The following NELL1 variants were observed in gnomAD, a reference collection of about 807,000 sequenced individuals.
NELL1 encodes the protein neural EGFL like 1.
Under a neutral mutation model 107.4 loss-of-function variants are expected in NELL1, and 76 were observed. That is an observed-to-expected ratio of 0.71 (90% confidence interval 0.59 to 0.86). The LOEUF (loss-of-function observed/expected upper bound fraction) is 0.86. Ranked by LOEUF, NELL1 falls within the 40% of genes least tolerant of loss-of-function variation. The pLI is 0.00. For missense variants in NELL1, 1,024 were observed against 1,005.5 expected (o/e 1.02, Z -0.25); for synonymous variants, 353 against 341.2 (o/e 1.03, Z -0.38).
intron 12 of NELL1, among the ~76,000 whole-genome samples, chr11:20,971,394 G>A (rs1398571995): frequency 6.6e-6 from 1 of 152,126 alleles, no homozygotes; most frequent in Non-Finnish European, 1.5e-5. Context: ...GCTTTTCAGG[G>A]ACAAGTCCAA....
At chr11:20,936,717 T>G (rs568863350) in intron 9 of NELL1, among the ~76,000 whole-genome samples, 30 of 152,214 alleles carry the variant, frequency 2.0e-4, no homozygotes, top group Non-Finnish European at 3.7e-4. Flanking sequence ...ATATTACCAG[T>G]TAGCATGTTG....
chr11:20,782,724 A>T (rs1438491172), intron 2 of NELL1, among the ~76,000 whole-genome samples: 1 of 152,210 alleles, frequency 6.6e-6, no homozygotes, highest in East Asian at 1.9e-4. Context: ...AGGATGTGAG[A>T]GGAGGTCACC....
At chr11:21,036,824 CT>C (rs1188186914) in intron 12 of NELL1, among the ~76,000 whole-genome samples, 2 of 151,794 alleles carry the variant, frequency 1.3e-5, no homozygotes, top group African/African-American at 4.8e-5. Flanking sequence ...TTGATAGGAT[CT>C]TTTTCCTTTG....
intron 2 of NELL1, among the ~76,000 whole-genome samples, chr11:20,781,321 C>T (rs1055344710): frequency 6.6e-5 from 10 of 152,012 alleles, no homozygotes; most frequent in African/African-American, 2.2e-4. Context: ...TTGAGAGTGG[C>T]GGGAAGAGAA....
upstream of NELL1, chr11:20,669,571 ATATG>A: frequency 2.2e-6 from 1 of 463,654 alleles, no homozygotes; most frequent in Non-Finnish European, 3.9e-6. The surrounding 1 kb of genome is among the most constrained non-coding windows in gnomAD (Gnocchi z 4.4). Flanking sequence ...TCCCGGGCGC[ATATG>A]CGAGCGCAGC....
chr11:20,856,499 T>C (rs549026766), intron 4 of NELL1, among the ~76,000 whole-genome samples: 37 of 152,356 alleles, frequency 2.4e-4, no homozygotes, highest in Admixed American at 4.6e-4. Context: ...GGCCATCAGC[T>C]GGCTTCTTTG....
At position 21,477,922 on chromosome 11, in the gene NELL1, AAAG is replaced by A. The variant is rs1854389800; in HGVS notation, c.1646-56448_1646-56446del. On this transcript the variant is annotated intron_variant, in intron 15 of 19. Coordinates refer to ENST00000357134, the MANE Select transcript of NELL1 (RefSeq NM_006157.5). ...TAAAAATTATAAGAAATTATAATAAAAAGAAGCAGAAATTCTGGAGTTGAAAAA... is the reference window on the plus strand; with the variant it reads ...TAAAAATTATAAGAAATTATAATAAAAAGCAGAAATTCTGGAGTTGAAAAA... Among the ~76,000 whole-genome samples the A allele has an allele frequency of 5.2e-4, 18 of 34,692 alleles. 1 individual carries two copies. The South Asian group carries it at 0.036, about 69-fold the overall frequency. The allele number at this position is 34,692 out of a possible 152,430, so 22.8% of individuals were successfully genotyped here.
At position 21,349,028 on chromosome 11, in the gene NELL1, G is replaced by A. The variant is rs550854831; in HGVS notation, c.1550-21825G>A. Among the ~76,000 whole-genome samples the A allele has an allele frequency of 2.0e-5, 3 of 152,260 alleles. No individual in the cohort carries two copies. The East Asian group carries it at 5.8e-4, about 29-fold the overall frequency. On this transcript the variant is annotated intron_variant, in intron 14 of 19. Coordinates refer to ENST00000357134, the MANE Select transcript of NELL1 (RefSeq NM_006157.5). ...GGAGTGAAATAACAGGAAATCAGGT[G>A]TGTCTGAACCAACACTAATGAGATG...
At chr11:20,927,890 G>A (rs1055409751) in intron 8 of NELL1, among the ~76,000 whole-genome samples, 2 of 152,166 alleles carry the variant, frequency 1.3e-5, no homozygotes, top group Admixed American at 1.3e-4. Context: ...CTGACTCACT[G>A]TCAGTGTGAG....
At chr11:21,066,605 T>C (rs534106821) in intron 12 of NELL1, among the ~76,000 whole-genome samples, 2 of 152,170 alleles carry the variant, frequency 1.3e-5, no homozygotes, top group Non-Finnish European at 2.9e-5. Flanking sequence ...TTTATTAGAA[T>C]GCCTATCTTT....
At chr11:20,740,839 T>C (rs948644647) in intron 2 of NELL1, among the ~76,000 whole-genome samples, 1 of 152,106 alleles carries the variant, frequency 6.6e-6, no homozygotes, top group Non-Finnish European at 1.5e-5. Flanking sequence ...TTGCCTAGGC[T>C]GGATTCAAAC....
intron 2 of NELL1, among the ~76,000 whole-genome samples, chr11:20,743,431 G>C (rs78568061): frequency 6.6e-6 from 1 of 152,042 alleles, no homozygotes; most frequent in Non-Finnish European, 1.5e-5. Flanking sequence ...TCGCTTATCT[G>C]CCAAACCCAA....
intron 12 of NELL1, among the ~76,000 whole-genome samples, chr11:21,059,817 A>G (rs1156988106): frequency 6.6e-6 from 1 of 152,106 alleles, no homozygotes; most frequent in African/African-American, 2.4e-5. Flanking sequence ...CAGAGGTTGG[A>G]GCTATGTCCT....
At chr11:20,998,975 C>A (rs1852154647) in intron 12 of NELL1, among the ~76,000 whole-genome samples, 1 of 152,188 alleles carries the variant, frequency 6.6e-6, no homozygotes, top group African/African-American at 2.4e-5. Context: ...TGAAAAGCAG[C>A]AAATGCAACT....
intron 3 of NELL1, among the ~76,000 whole-genome samples, chr11:20,836,862 G>T (rs566469905): frequency 6.6e-6 from 1 of 152,194 alleles, no homozygotes; most frequent in Non-Finnish European, 1.5e-5. Context: ...ACTATTGGGT[G>T]TAATTCTGTA....
At chr11:20,921,385 G>A (rs889993165) in intron 7 of NELL1, among the ~76,000 whole-genome samples, 7 of 152,102 alleles carry the variant, frequency 4.6e-5, no homozygotes, top group Non-Finnish European at 1.0e-4. Flanking sequence ...TCATTAGTCT[G>A]CTTTACAGAT....
chr11:20,674,730 G>C (rs1411886304), intron 1 of NELL1, among the ~76,000 whole-genome samples: 1 of 152,200 alleles, frequency 6.6e-6, no homozygotes, highest in Non-Finnish European at 1.5e-5. Flanking sequence ...TGAGGGCACT[G>C]TGTTCTCATT....
At chr11:21,507,942 G>C (rs996083323) in intron 15 of NELL1, among the ~76,000 whole-genome samples, 1 of 151,848 alleles carries the variant, frequency 6.6e-6, no homozygotes, top group Non-Finnish European at 1.5e-5. Context: ...CACTACGCCT[G>C]GCTAATTTTT....
At chr11:21,413,299 T>TA (rs1253558474) in intron 15 of NELL1, among the ~76,000 whole-genome samples, 1 of 151,904 alleles carries the variant, frequency 6.6e-6, no homozygotes, top group Non-Finnish European at 1.5e-5. Flanking sequence ...GACCTCCTCT[T>TA]ATGGTAGTTT....
Sources: allele counts gnomAD v4.1 joint callset (sites outside exome capture counted in the v4.1 genomes callset), GRCh38; gene constraint gnomAD v4.1.1; non-coding constraint Gnocchi (gnomAD v3.1); transcripts MANE v1.5; gene names NCBI Gene and HGNC (gene_info 2026-07-23, HGNC 2026-07-21).